Variants in ANK2 observed in about 807,000 individuals in gnomAD.
ANK2 encodes the protein ankyrin 2.
ANK2 carries 83 observed loss-of-function variants against 360.5 expected under a neutral mutation model. The observed-to-expected ratio is 0.23, with a 90% CI of 0.19 to 0.28. The LOEUF (loss-of-function observed/expected upper bound fraction) is 0.28, where lower values mean the gene tolerates loss of function less well. ANK2 is among the 10% of genes least tolerant of loss of function. The probability of loss-of-function intolerance (pLI) is 1.00; values close to 1 mark genes in which losing one functional copy is unlikely to be tolerated. For synonymous variants in ANK2, 1,740 were observed against 1,759.5 expected, an observed-to-expected ratio of 0.99 and a Z score of 0.28; for missense variants, 4,201 against 4,795.7, an observed-to-expected ratio of 0.88 and a Z score of 3.66.
intron 45 of ANK2, chr4:113,378,029 A>G (rs966738505): frequency 7.1e-5 from 53 of 748,634 alleles, no homozygotes; most frequent in Non-Finnish European, 9.3e-5. Context: ...GCAAAGCAAT[A>G]GATTGTTTGA....
chr4:113,359,370 G>C (rs1334631718), intron 38 of ANK2, 71 bp downstream of exon 38: 2 of 1,585,036 alleles, frequency 1.3e-6, no homozygotes, highest in African/African-American at 2.7e-5. Flanking sequence ...TTGTATGTTT[G>C]TTTTATTTGA....
intron 23 of ANK2, among the ~76,000 whole-genome samples, chr4:113,310,632 G>C (rs62313242): frequency 0.021 from 3,133 of 152,230 alleles, 58 homozygotes; most frequent in Non-Finnish European, 0.03. Flanking sequence ...GGTCAGGCTG[G>C]TCTTGAACTC....
At chr4:112,760,932 G>A in the ANK2 span, among the ~76,000 whole-genome samples, 2 of 150,532 alleles carry the variant, frequency 1.3e-5, no homozygotes, top group African/African-American at 2.4e-5. Context: ...TCAGCCTCCC[G>A]AGTAGCTGGA....
At chr4:113,362,672 G>A (rs1564092554) in intron 39 of ANK2, among the ~76,000 whole-genome samples, 1 of 152,046 alleles carries the variant, frequency 6.6e-6, no homozygotes, top group Non-Finnish European at 1.5e-5. Flanking sequence ...CTAGTCTTGA[G>A]CTTCTGGCCT....
At chr4:112,788,347 G>C in the ANK2 span, 1 of 1,546,862 alleles carries the variant, frequency 6.5e-7, no homozygotes, top group Non-Finnish European at 8.8e-7. Flanking sequence ...TGCACTAAGG[G>C]ACCACCATTT....
rs373038770 is a variant in ANK2 at position 113,087,083 on chromosome 4, C to T, written c.84+37271C>T. 2.4e-3 allele frequency among the ~76,000 whole-genome samples: 358 copies of T among 152,240 alleles called. 2 individuals are homozygous for T. The highest frequency in any genetic ancestry group is 0.014 in the Middle Eastern group (4 of 292). On this transcript the variant is annotated intron_variant, in intron 1 of 45. Transcript: ENST00000357077. Reference sequence around the variant, plus strand: ...AGATGTATAAGCAAATAAGGAACAACAAATTGTGTTAGGTGCCATTATAAA... The same window carrying T: ...AGATGTATAAGCAAATAAGGAACAATAAATTGTGTTAGGTGCCATTATAAA...
the ANK2 span, among the ~76,000 whole-genome samples, chr4:112,771,166 G>T: frequency 1.3e-5 from 2 of 152,132 alleles, no homozygotes; most frequent in African/African-American, 4.8e-5. Context: ...AGGCTGTAGT[G>T]CAATGGTGCG....
chr4:113,358,789 G>A lies in ANK2; in HGVS notation c.10171G>A (p.Glu3391Lys), dbSNP rs747328642. Residue 3391 changes from glutamate to lysine, a missense_variant, in exon 38 of 46, where the codon GAA becomes AAA. Around this residue, in one of 4 missense-constraint regions of ANK2, gnomAD observed 2,642 missense variants for 2,714.5 expected, o/e 0.97. Transcript: ENST00000357077. ...CGCACCAGATAATAGAAGCAAATCT[G>A]AATCTGATGCTAGTTCTTTGGATTC... ...SIAPDNRSKS[E>K]SDASSLDSKT... 2 of 1,614,090 alleles carry A rather than the reference G, an allele frequency of 1.2e-6. No homozygotes were observed. Among genetic ancestry groups the A allele is most frequent in the South Asian group, 1.1e-5 (1 of 91,066 alleles).
At chr4:112,737,527 G>A in the ANK2 span, among the ~76,000 whole-genome samples, 1 of 152,214 alleles carries the variant, frequency 6.6e-6, no homozygotes, top group South Asian at 2.1e-4. Context: ...ATTTGTGCAG[G>A]ACTTGGCAGT....
chr4:112,819,297 G>C (rs543332611), intron 1 of ANK2, among the ~76,000 whole-genome samples: 2 of 152,308 alleles, frequency 1.3e-5, no homozygotes, highest in South Asian at 4.1e-4. Flanking sequence ...AAGGTGTATG[G>C]TGTCCCCTTG....
chr4:112,924,184 A>G (rs2092143442), intron 2 of ANK2, among the ~76,000 whole-genome samples: 1 of 152,120 alleles, frequency 6.6e-6, no homozygotes, highest in Non-Finnish European at 1.5e-5. Context: ...CCTGGCCAAC[A>G]TGGTGAAACC....
At chr4:113,112,929 A>T (rs1310388126) in intron 1 of ANK2, among the ~76,000 whole-genome samples, 2 of 152,212 alleles carry the variant, frequency 1.3e-5, no homozygotes, top group Non-Finnish European at 2.9e-5. Flanking sequence ...ACAAGAAAGT[A>T]GGATCTATTA....
rs1441072682 is a variant in ANK2, at chr4:113,353,048, A to G, written c.4430A>G (p.Asp1477Gly). 1.2e-6 allele frequency: 2 copies of G among 1,613,228 alleles called. No individual in the cohort carries two copies. The highest frequency in any genetic ancestry group is 1.7e-5 in the Admixed American group (1 of 59,982). The change falls in exon 38 of 46, where the codon GAT (aspartate) becomes GGT (glycine). Residue 1477 changes from aspartate to glycine, a missense_variant. This residue lies in a region of ANK2 where 1,268 missense variants were observed against 1,650.8 expected (regional missense o/e 0.77). Transcript: ENST00000357077. Reference protein sequence around the residue: ...EEIDMTSEKNDETESTETSVL... With the variant: ...EEIDMTSEKNGETESTETSVL... The stretch of plus-strand genomic sequence containing the variant: ...ATGTTTTTCATTCACATCAAAGATG[A>G]TGAGACAGAATCTACAGAAACATCT...
chr4:113,284,720 G>A (rs549902967), intron 18 of ANK2, among the ~76,000 whole-genome samples: 1 of 152,206 alleles, frequency 6.6e-6, no homozygotes, highest in African/African-American at 2.4e-5. Context: ...CACATAGTAT[G>A]TTTATCACTA....
upstream of ANK2, among the ~76,000 whole-genome samples, chr4:112,813,108 T>G (rs913774059): frequency 1.3e-5 from 2 of 151,854 alleles, no homozygotes; most frequent in Non-Finnish European, 2.9e-5. Flanking sequence ...CATGGTGGCA[T>G]GCACCTGTAG....
chr4:113,337,936 T>G (rs1352688156), intron 31 of ANK2, among the ~76,000 whole-genome samples: 1 of 152,240 alleles, frequency 6.6e-6, no homozygotes, highest in Non-Finnish European at 1.5e-5. Flanking sequence ...TCTGCCCTTA[T>G]AGTGATTAAA....
intron 2 of ANK2, among the ~76,000 whole-genome samples, chr4:112,915,843 G>A (rs1487046451): frequency 6.6e-6 from 1 of 151,324 alleles, no homozygotes; most frequent in Non-Finnish European, 1.5e-5. Flanking sequence ...TCATTATTGA[G>A]GCTTTGCAAT....
chr4:113,111,651 A>G (rs1447204143), intron 1 of ANK2, among the ~76,000 whole-genome samples: 1 of 152,214 alleles, frequency 6.6e-6, no homozygotes, highest in Non-Finnish European at 1.5e-5. Flanking sequence ...TAGTGTTCCA[A>G]TCCTTTAATA....
chr4:113,039,700 A>G (rs969117202), intron 2 of ANK2, among the ~76,000 whole-genome samples: 3 of 151,996 alleles, frequency 2.0e-5, no homozygotes, highest in Non-Finnish European at 4.4e-5. Flanking sequence ...GCCTAACTGT[A>G]TATGCAACCT....
Sources: allele counts gnomAD v4.1 joint callset (sites outside exome capture counted in the v4.1 genomes callset), GRCh38; gene constraint gnomAD v4.1.1; regional missense constraint gnomAD v4.1.1; transcripts MANE v1.5; gene names NCBI Gene and HGNC (gene_info 2026-07-23, HGNC 2026-07-21).